The following MAGI1 variants were observed in gnomAD, a reference collection of about 807,000 sequenced individuals.
MAGI1 encodes membrane-associated guanylate kinase, WW and PDZ domain-containing protein 1.
In MAGI1, 58 loss-of-function variants were observed where a neutral mutation model predicts 139.9. The ratio of observed to expected loss-of-function variants is 0.41; its 90% CI spans 0.34 to 0.52. The LOEUF is 0.52. Among genes scored for constraint, MAGI1 ranks in the 20% least tolerant of loss-of-function variants. MAGI1 has a pLI of 0.12. For synonymous variants in MAGI1, 812 were observed against 737.9 expected (o/e 1.10, Z -1.63); for missense variants, 1,874 against 1,901.6 (o/e 0.99, Z 0.27).
intron 3 of MAGI1, among the ~76,000 whole-genome samples, chr3:65,490,795 G>A (rs1202277515): frequency 7.3e-6 from 1 of 137,832 alleles, no homozygotes; most frequent in African/African-American, 2.8e-5. Flanking sequence ...AGTGAGCTGA[G>A]ACTGCGCCAC....
At chr3:65,517,458 C>T (rs1917532) in intron 2 of MAGI1, among the ~76,000 whole-genome samples, 58,003 of 152,052 alleles carry the variant, frequency 0.38, 12,426 homozygotes, top group East Asian at 0.75. Flanking sequence ...CAAATCTACC[C>T]TTCCAAACAC....
In MAGI1 at chr3:65,688,304, T is replaced by C. The variant is rs1423713445; in HGVS notation, c.314-66216A>G. The C allele has an allele frequency of 6.2e-6, 5 of 804,936 alleles. No homozygotes were observed. In the Admixed American group the frequency reaches 9.0e-5, roughly 14 times the overall value. The allele number at this position is 804,936 out of a possible 1,614,324, so 49.9% of individuals were successfully genotyped here. On this transcript the variant is annotated intron_variant, in intron 1 of 22. Transcript: ENST00000402939. ...GGAAGATCCTTGGCCAGGAGGGTGA[T>C]GCCAGACATCTTACTTCTGAAATAT...
chr3:65,778,960 C>T (rs376732519), intron 1 of MAGI1, among the ~76,000 whole-genome samples: 3 of 152,084 alleles, frequency 2.0e-5, no homozygotes, highest in Non-Finnish European at 4.4e-5. Flanking sequence ...ATCTAGGGGT[C>T]GAGACCAGGG....
intron 4 of MAGI1, among the ~76,000 whole-genome samples, chr3:65,475,597 C>G (rs1950848582): frequency 1.3e-5 from 2 of 152,196 alleles, no homozygotes. Flanking sequence ...AACAGTCTAA[C>G]TCTACCTTCA....
chr3:65,935,708 G>T (rs1290464247), intron 1 of MAGI1, among the ~76,000 whole-genome samples: 1 of 152,226 alleles, frequency 6.6e-6, no homozygotes, highest in Non-Finnish European at 1.5e-5. Context: ...TGTGGTAAAG[G>T]TGACACTGTG....
At chr3:65,855,016 G>C (rs2059326294) in intron 1 of MAGI1, among the ~76,000 whole-genome samples, 1 of 152,216 alleles carries the variant, frequency 6.6e-6, no homozygotes, top group Non-Finnish European at 1.5e-5. Context: ...AGAGGGGATG[G>C]ATGGTGCTGG....
intron 4 of MAGI1, among the ~76,000 whole-genome samples, chr3:65,473,773 G>T (rs1408345296): frequency 3.3e-5 from 5 of 150,394 alleles, no homozygotes; most frequent in Non-Finnish European, 7.4e-5. Context: ...TCAGCAACGA[G>T]ATCTTACTTT....
intron 1 of MAGI1, among the ~76,000 whole-genome samples, chr3:65,859,900 G>C (rs13063169): frequency 1.3e-5 from 1 of 77,288 alleles, no homozygotes; most frequent in Non-Finnish European, 2.9e-5. Context: ...GTTTGTTTTT[G>C]TTTTTGTTTT....
intron 1 of MAGI1, among the ~76,000 whole-genome samples, chr3:65,654,103 T>C (rs1273757906): frequency 2.6e-5 from 4 of 152,160 alleles, no homozygotes; most frequent in Admixed American, 6.5e-5. Context: ...TTTTAAACTC[T>C]AAATGGTTAC....
intron 1 of MAGI1, among the ~76,000 whole-genome samples, chr3:65,625,963 A>G (rs1488083851): frequency 6.6e-6 from 1 of 152,210 alleles, no homozygotes; most frequent in East Asian, 1.9e-4. Flanking sequence ...GAAATCAACT[A>G]GTAAGTCACT....
At chr3:65,377,598 C>A (rs1942653780) in intron 17 of MAGI1, among the ~76,000 whole-genome samples, 2 of 152,228 alleles carry the variant, frequency 1.3e-5, no homozygotes, top group East Asian at 3.8e-4. Flanking sequence ...TGGAGACAGT[C>A]AAACTGTAGA....
chr3:65,952,891 T>C (rs952223099), intron 1 of MAGI1, among the ~76,000 whole-genome samples: 2 of 152,226 alleles, frequency 1.3e-5, no homozygotes, highest in African/African-American at 4.8e-5. Context: ...AAGTATTTCC[T>C]GTTGTTTGTC....
At chr3:65,698,991 A>G (rs1462163861) in intron 1 of MAGI1, among the ~76,000 whole-genome samples, 1 of 135,608 alleles carries the variant, frequency 7.4e-6, no homozygotes, top group African/African-American at 2.9e-5. Flanking sequence ...ACAAAAGGCT[A>G]ATATCCAGAA....
intron 2 of MAGI1, among the ~76,000 whole-genome samples, chr3:65,504,081 C>T (rs938136964): frequency 2.0e-5 from 3 of 152,070 alleles, no homozygotes; most frequent in African/African-American, 7.2e-5. Context: ...CAGTAATAAA[C>T]AAAAACAGCA....
intron 1 of MAGI1, among the ~76,000 whole-genome samples, chr3:65,812,468 T>TCACACACACACACA (rs1553711393): frequency 1.5e-3 from 131 of 89,160 alleles, no homozygotes; most frequent in African/African-American, 3.9e-3. Context: ...TCTCTCTCTC[T>TCACACACACACACA]CACACACACA....
chr3:65,465,490 A>C (rs1950110336), intron 5 of MAGI1, among the ~76,000 whole-genome samples: 1 of 152,030 alleles, frequency 6.6e-6, no homozygotes, highest in South Asian at 2.1e-4. Flanking sequence ...TGATTCCTAA[A>C]GGTTATTTTC....
At chr3:65,497,901 C>T (rs962435708) in intron 2 of MAGI1, among the ~76,000 whole-genome samples, 1 of 152,114 alleles carries the variant, frequency 6.6e-6, no homozygotes, top group Non-Finnish European at 1.5e-5. Flanking sequence ...GGAAGGCGGG[C>T]AAGTCTCCAC....
At chr3:65,813,724 A>C (rs2041428228) in intron 1 of MAGI1, among the ~76,000 whole-genome samples, 1 of 152,224 alleles carries the variant, frequency 6.6e-6, no homozygotes, top group Admixed American at 6.5e-5. Flanking sequence ...TAGGGTACAC[A>C]GATGTTTAGA....
At position 65,842,615 on chromosome 3, in the gene MAGI1, C is replaced by A. The variant is rs539056544; in HGVS notation, c.313+195381G>T. ...ACCTCAGGTGATCCACCCACCTCGGCCTCCCAAAGTGCTTGGATTACAAGC... is the reference window on the plus strand; with the variant it reads ...ACCTCAGGTGATCCACCCACCTCGGACTCCCAAAGTGCTTGGATTACAAGC... On this transcript the variant is annotated intron_variant, in intron 1 of 22. Coordinates refer to ENST00000402939, the MANE Select transcript of MAGI1 (RefSeq NM_001033057.2). 9.2e-5 allele frequency among the ~76,000 whole-genome samples: 14 copies of A among 152,310 alleles called. No homozygotes were observed. In the East Asian group the frequency reaches 2.7e-3, roughly 29 times the overall value.
Sources: gnomAD v4.1 joint callset for allele counts (sites outside exome capture counted in the v4.1 genomes callset) on GRCh38, gnomAD v4.1.1 for gene constraint, MANE v1.5 for transcripts, NCBI Gene and HGNC (gene_info 2026-07-23, HGNC 2026-07-21) for gene names.